The following RASA1 variants were observed in gnomAD, a reference collection of about 807,000 sequenced individuals.
RASA1 encodes the protein RAS p21 protein activator 1.
A neutral mutation model predicts 132.2 loss-of-function variants in RASA1; 25 were observed. The observed-to-expected ratio is 0.19, with a 90% CI of 0.14 to 0.26. The LOEUF (loss-of-function observed/expected upper bound fraction) is 0.26, where lower values mean the gene tolerates loss of function less well. Ranked by LOEUF, RASA1 falls within the 10% of genes least tolerant of loss-of-function variation. RASA1 has a pLI of 1.00. For missense variants in RASA1, 964 were observed against 1,299.2 expected, an observed-to-expected ratio of 0.74 and a Z score of 3.97; for synonymous variants, 477 against 449.9, an observed-to-expected ratio of 1.06 and a Z score of -0.76.
At chr5:87,293,017 A>C (rs1754973700) in intron 1 of RASA1, among the ~76,000 whole-genome samples, 2 of 152,132 alleles carry the variant, frequency 1.3e-5, no homozygotes, top group South Asian at 4.1e-4. Context: ...TCAGTTCTTT[A>C]GAATTTTCTA....
At chr5:87,290,202 G>C (rs1394609166) in intron 1 of RASA1, among the ~76,000 whole-genome samples, 1 of 152,132 alleles carries the variant, frequency 6.6e-6, no homozygotes, top group East Asian at 1.9e-4. Flanking sequence ...TGAGGACAAG[G>C]AGGATGCAAA....
rs754906693 is a variant in RASA1, at chr5:87,385,350, T to G, written c.2808T>G (p.Ser936=). The part of the protein sequence containing the change: ...AARTLILVAK[S]VQNLANLVEF... ...GAACACTGATATTAGTGGCTAAATC[T>G]GTGCAGAACTTAGCAAATCTTGTGG... The change falls in exon 22 of 25, where the codon TCT becomes TCG. Residue 936 remains serine, a synonymous_variant. Coordinates refer to ENST00000274376, the MANE Select transcript of RASA1 (RefSeq NM_002890.3). 6.2e-6 allele frequency: 10 copies of G among 1,611,150 alleles called. No individual in the cohort carries two copies. Among genetic ancestry groups the G allele is most frequent in the Middle Eastern group, 1.6e-4 (1 of 6,068 alleles).
At chr5:87,291,266 A>G (rs773303990) in intron 1 of RASA1, among the ~76,000 whole-genome samples, 1 of 152,200 alleles carries the variant, frequency 6.6e-6, no homozygotes, top group Non-Finnish European at 1.5e-5. Context: ...GTGGTGACTC[A>G]TACCTATAAT....
At chr5:87,346,347 A>C (rs889953779) in intron 6 of RASA1, among the ~76,000 whole-genome samples, 2 of 151,460 alleles carry the variant, frequency 1.3e-5, no homozygotes, top group African/African-American at 4.8e-5. Context: ...TATCTGTACT[A>C]CTCCTCCTTC....
chr5:87,296,034 G>A (rs1193006153), intron 1 of RASA1, among the ~76,000 whole-genome samples: 2 of 151,438 alleles, frequency 1.3e-5, no homozygotes, highest in Non-Finnish European at 2.9e-5. Flanking sequence ...CCAGGCTGGT[G>A]TTGAATTCCT....
intron 11 of RASA1, among the ~76,000 whole-genome samples, chr5:87,368,045 A>G (rs1431794585): frequency 6.6e-6 from 1 of 152,100 alleles, no homozygotes; most frequent in Non-Finnish European, 1.5e-5. Context: ...TCAGTTTTAG[A>G]AAACTCTTGG....
intron 7 of RASA1, among the ~76,000 whole-genome samples, chr5:87,347,892 T>C (rs1209798157): frequency 6.6e-6 from 1 of 152,004 alleles, no homozygotes; most frequent in Non-Finnish European, 1.5e-5. Flanking sequence ...CTTGAGGTAC[T>C]TTTGTTTTAA....
chr5:87,282,796 A>C (rs1321912578), intron 1 of RASA1, among the ~76,000 whole-genome samples: 1 of 152,132 alleles, frequency 6.6e-6, no homozygotes, highest in African/African-American at 2.4e-5. Flanking sequence ...TCAAGTTCAC[A>C]GATTCTGTCT....
intron 4 of RASA1, among the ~76,000 whole-genome samples, chr5:87,337,481 A>C (rs533277018): frequency 6.6e-6 from 1 of 152,082 alleles, no homozygotes; most frequent in African/African-American, 2.4e-5. Flanking sequence ...AAGCATCTAC[A>C]TCATGCTTAT....
intron 9 of RASA1, among the ~76,000 whole-genome samples, chr5:87,358,351 A>G (rs536789070): frequency 8.2e-4 from 125 of 152,302 alleles, no homozygotes; most frequent in Middle Eastern, 3.4e-3. Context: ...TAATTTTCTC[A>G]ACAACTTTAC....
chr5:87,315,376 C>A (rs988324881), intron 1 of RASA1, among the ~76,000 whole-genome samples: 3 of 152,148 alleles, frequency 2.0e-5, no homozygotes, highest in Non-Finnish European at 4.4e-5. Context: ...CTCTCCTTCT[C>A]TTATAAAAAC....
At chr5:87,312,524 CAG>C (rs966614560) in intron 1 of RASA1, among the ~76,000 whole-genome samples, 1 of 152,138 alleles carries the variant, frequency 6.6e-6, no homozygotes, top group Non-Finnish European at 1.5e-5. Context: ...CCTACAGAAA[CAG>C]AAGTTCTTTA....
intron 1 of RASA1, among the ~76,000 whole-genome samples, chr5:87,289,192 T>G (rs1023108618): frequency 6.6e-6 from 1 of 152,184 alleles, no homozygotes; most frequent in Non-Finnish European, 1.5e-5. Context: ...GATTGTTTTC[T>G]CATAGTTACA....
intron 1 of RASA1, among the ~76,000 whole-genome samples, chr5:87,321,824 G>T (rs1756834611): frequency 6.6e-6 from 1 of 152,162 alleles, no homozygotes; most frequent in Non-Finnish European, 1.5e-5. Flanking sequence ...CCAATGGGAA[G>T]ACCCCCCATA....
In RASA1 at chr5:87,377,042, T is replaced by TATG; in HGVS notation, c.2344+3_2344+5dup. Reference sequence around the variant, plus strand: ...ATGACAGAGAAATAAGCATGGAAGGTATGGTATGGCCATGTTAGTGTGATA... The same window carrying TATG: ...ATGACAGAGAAATAAGCATGGAAGGTATGATGGTATGGCCATGTTAGTGTGATA... On this transcript the variant is annotated splice_region_variant and intron_variant, in intron 17 of 24. Coordinates refer to ENST00000274376, the MANE Select transcript of RASA1 (RefSeq NM_002890.3). 6.2e-7 allele frequency: 1 copy of TATG among 1,612,866 alleles called. No individual in the cohort carries two copies. Among genetic ancestry groups the TATG allele is most frequent in the Non-Finnish European group, 8.5e-7 (1 of 1,179,018 alleles).
chr5:87,331,104 G>C, intron 1 of RASA1: 3 of 893,302 alleles, frequency 3.4e-6, no homozygotes, highest in Non-Finnish European at 3.3e-6. Flanking sequence ...GGTAGAAATG[G>C]AAGAGATTTA....
chr5:87,333,502 A>G (rs897765080), intron 4 of RASA1, among the ~76,000 whole-genome samples, 165 bp downstream of exon 4: 1 of 152,156 alleles, frequency 6.6e-6, no homozygotes, highest in African/African-American at 2.4e-5. Context: ...GGGTTGGCTT[A>G]TTTGTTCAGA....
intron 7 of RASA1, 122 bp from the exon 8 acceptor site, chr5:87,349,092 C>A (rs1023054598): frequency 4.2e-5 from 49 of 1,157,056 alleles, no homozygotes; most frequent in Admixed American, 3.1e-4. Flanking sequence ...AAAAAAAAAA[C>A]AAGTTCCTGG....
chr5:87,269,090 G>T, intron 1 of RASA1, 100 bp downstream of exon 1: 1 of 1,613,834 alleles, frequency 6.2e-7, no homozygotes, highest in Non-Finnish European at 8.5e-7. Context: ...TCTGTGGTTT[G>T]TTAGGAAAAG....
Sources: gnomAD v4.1 joint callset for allele counts (sites outside exome capture counted in the v4.1 genomes callset) on GRCh38, gnomAD v4.1.1 for gene constraint, MANE v1.5 for transcripts, NCBI Gene and HGNC (gene_info 2026-07-23, HGNC 2026-07-21) for gene names.